Variants in UBE2G2 observed in about 807,000 individuals in gnomAD.
UBE2G2 encodes ubiquitin conjugating enzyme E2 G2, also known as ubiquitin-conjugating enzyme E2 G2.
In UBE2G2, 10 loss-of-function variants were observed where a neutral mutation model predicts 23.0. That is an observed-to-expected ratio of 0.43 (90% CI 0.27 to 0.74). UBE2G2 has a LOEUF of 0.74. Among genes scored for constraint, UBE2G2 ranks in the 30% least tolerant of loss-of-function variants. The probability of loss-of-function intolerance (pLI) is 0.19; values close to 1 mark genes in which losing one functional copy is unlikely to be tolerated. For synonymous variants in UBE2G2, 86 were observed against 81.3 expected (o/e 1.06, Z -0.31); for missense variants, 150 against 218.3 (o/e 0.69, Z 1.97).
At chr21:44,777,849 C>T (rs1023864209) in intron 3 of UBE2G2, among the ~76,000 whole-genome samples, 1 of 152,112 alleles carries the variant, frequency 6.6e-6, no homozygotes, top group Admixed American at 6.5e-5. Flanking sequence ...AAAATGCACA[C>T]AAAAAGATTA....
chr21:44,797,081 A>G (rs1274939618), intron 1 of UBE2G2, among the ~76,000 whole-genome samples: 3 of 152,212 alleles, frequency 2.0e-5, no homozygotes, highest in Non-Finnish European at 4.4e-5. Context: ...GAAGTACTAG[A>G]AAGTGCTTGA....
chr21:44,792,455 G>A (rs1379534269), intron 1 of UBE2G2, among the ~76,000 whole-genome samples: 1 of 152,126 alleles, frequency 6.6e-6, no homozygotes, highest in Non-Finnish European at 1.5e-5. Context: ...CGAGTTCTCA[G>A]GAGACATGAT....
chr21:44,780,344 C>A (rs559786091), intron 3 of UBE2G2, among the ~76,000 whole-genome samples: 5 of 152,214 alleles, frequency 3.3e-5, no homozygotes, highest in Admixed American at 6.5e-5. Flanking sequence ...GAGTGGGAGA[C>A]GCCACAGTGC....
intron 1 of UBE2G2, among the ~76,000 whole-genome samples, chr21:44,796,529 A>G (rs1368462432): frequency 6.6e-6 from 1 of 152,232 alleles, no homozygotes; most frequent in Non-Finnish European, 1.5e-5. Flanking sequence ...AAAAAAAACC[A>G]GTAAATGATA....
At chr21:44,789,776 TATGTTGAATCCTA>T (rs1393502171) in intron 1 of UBE2G2, among the ~76,000 whole-genome samples, 2 of 152,146 alleles carry the variant, frequency 1.3e-5, no homozygotes, top group African/African-American at 4.8e-5. Flanking sequence ...CCAAAATTCC[TATGTTGAATCCTA>T]ATGTATGTGG....
Position 44,771,389 on chromosome 21 carries a change from A to G in UBE2G2, c.486T>C (p.Ser162=). 6.2e-7 allele frequency: 1 copy of G among 1,612,890 alleles called. No homozygotes were observed. The highest frequency in any genetic ancestry group is 8.5e-7 in the Non-Finnish European group (1 of 1,180,026). Reference sequence around the variant, plus strand: ...GCGAGGCCAGGTCTCACAGTCCCAGAGACTTCTGGACGATCTGCTTGGCAA... The same window carrying G: ...GCGAGGCCAGGTCTCACAGTCCCAGGGACTTCTGGACGATCTGCTTGGCAA... ...YKIAKQIVQK[S]LGL The change falls in exon 6 of 6, where the codon TCT becomes TCC. Residue 162 remains serine (S), a synonymous_variant. Transcript: ENST00000345496. This position sits in a 1 kb window ranked among gnomAD's most constrained non-coding sequence, Gnocchi z 4.6.
chr21:44,774,765 AG>A (rs1164861201), intron 4 of UBE2G2: 6 of 455,702 alleles, frequency 1.3e-5, no homozygotes, highest in African/African-American at 6.0e-5. Context: ...CCACAAAATC[AG>A]GAAGTTTCCC....
At chr21:44,781,115 G>C (rs567267174) in intron 3 of UBE2G2, among the ~76,000 whole-genome samples, 1 of 152,334 alleles carries the variant, frequency 6.6e-6, no homozygotes, top group East Asian at 1.9e-4. Flanking sequence ...ATGTGATAAA[G>C]AATTAAAATC....
intron 3 of UBE2G2, chr21:44,779,176 C>T (rs1174586549): frequency 6.9e-6 from 3 of 431,954 alleles, no homozygotes; most frequent in Non-Finnish European, 9.2e-6. Flanking sequence ...TCGGCAGCAA[C>T]AGCAGATGCC....
chr21:44,801,440 G>T (rs782493778), intron 1 of UBE2G2: 152 of 1,211,718 alleles, frequency 1.3e-4, no homozygotes, highest in Non-Finnish European at 1.5e-4. Flanking sequence ...AAACAAGCCC[G>T]CAAAGACTCA....
intron 3 of UBE2G2, among the ~76,000 whole-genome samples, chr21:44,779,763 G>T (rs950579024): frequency 1.3e-5 from 2 of 152,202 alleles, no homozygotes; most frequent in Admixed American, 6.5e-5. Flanking sequence ...GGGCACCAAG[G>T]ATTGTGGTTT....
At position 44,774,910 on chromosome 21, in the gene UBE2G2, G is replaced by A. The variant is rs117890978; in HGVS notation, c.245-1223C>T. 2.1e-3 allele frequency: 718 copies of A among 345,162 alleles called. 15 individuals are homozygous for A. In the East Asian group the frequency reaches 0.041, roughly 20 times the overall value. The allele number at this position is 345,162 out of a possible 1,614,324, so 21.4% of individuals were successfully genotyped here. A position where few individuals can be genotyped will look rare whatever the true frequency, so the allele number is the denominator to read the frequency against. On this transcript the variant is annotated intron_variant, in intron 4 of 5. Coordinates refer to ENST00000345496, the MANE Select transcript of UBE2G2 (RefSeq NM_003343.6). ...AGCAGTGCCATGTCCTAAACCTCTC[G>A]TGGATCCACACACATCTCTTTATCT...
intron 1 of UBE2G2, among the ~76,000 whole-genome samples, chr21:44,789,733 G>A (rs868965456): frequency 1.3e-5 from 2 of 152,136 alleles, no homozygotes; most frequent in South Asian, 2.1e-4. Context: ...GAGTCAACAC[G>A]AATGATGCTG....
chr21:44,788,099 T>C lies in UBE2G2; in HGVS notation c.44-4A>G. 1.3e-6 allele frequency: 2 copies of C among 1,599,146 alleles called. No homozygotes were observed. Among genetic ancestry groups the C allele is most frequent in the African/African-American group, 1.4e-5 (1 of 73,962 alleles). ...TCCGGAGGATTCAGTGTTAATTCTA[T>C]AAAATTAATAAGTAAAACCATTACC... On this transcript the variant is annotated splice_polypyrimidine_tract_variant and splice_region_variant and intron_variant, in intron 1 of 5. Coordinates refer to ENST00000345496, the MANE Select transcript of UBE2G2 (RefSeq NM_003343.6).
chr21:44,779,323 T>C, intron 3 of UBE2G2: 1 of 280,220 alleles, frequency 3.6e-6, no homozygotes, highest in South Asian at 2.6e-5. Flanking sequence ...TTGCTACCTT[T>C]TCAGAAGAAG....
chr21:44,790,673 A>C (rs2083036274), intron 1 of UBE2G2, among the ~76,000 whole-genome samples: 2 of 152,228 alleles, frequency 1.3e-5, no homozygotes, highest in Non-Finnish European at 2.9e-5. Flanking sequence ...GGCTTCTGTC[A>C]TGATAAGTTT....
Position 44,771,905 on chromosome 21 carries a change from C to T in UBE2G2, c.386-416G>A, listed in dbSNP as rs781907674. 6.6e-6 allele frequency among the ~76,000 whole-genome samples: 1 copy of T among 152,200 alleles called. No homozygotes were observed. Among genetic ancestry groups the T allele is most frequent in the East Asian group, 1.9e-4 (1 of 5,180 alleles). On this transcript the variant is annotated intron_variant, in intron 5 of 5. Transcript: ENST00000345496. The surrounding 1 kb of genome is among the most constrained non-coding windows in gnomAD (Gnocchi z 4.6). ...GCAGTGTGGCTTCTCTCTCACAGAG[C>T]GCCCTCTCAGCAAAACTGCCCCTCA...
Position 44,771,531 on chromosome 21 carries a change from A to T in UBE2G2, c.386-42T>A, listed in dbSNP as rs1555959951. 11 of 1,584,432 alleles carry T rather than the reference A, an allele frequency of 6.9e-6. No individual in the cohort carries two copies. Among genetic ancestry groups the T allele is most frequent in the Non-Finnish European group, 9.5e-6 (11 of 1,161,684 alleles). On this transcript the variant is annotated intron_variant, in intron 5 of 5. Transcript: ENST00000345496. This position sits in a 1 kb window ranked among gnomAD's most constrained non-coding sequence, Gnocchi z 4.6. ...CACCCTCCATGTAAAAGGGAGTCTT[A>T]TACGTAAGCAGCCTGGCAAGGTCTC...
rs527470998 is a variant in UBE2G2, at chr21:44,771,212, A to G, written c.*165T>C. 15 of 616,248 alleles carry G rather than the reference A, an allele frequency of 2.4e-5. No individual in the cohort carries two copies. In the Admixed American group the frequency reaches 4.2e-4, roughly 17 times the overall value. The allele number at this position is 616,248 out of a possible 1,614,324, so 38.2% of individuals were successfully genotyped here. ...CGACATTAAGTCATCATTTCAGAAG[A>G]GAAGCCTGTTTGAAGTAGGAAAGGT... is the stretch of plus-strand genomic sequence containing the variant. On this transcript the variant is annotated 3_prime_UTR_variant, in exon 6 of 6. Transcript: ENST00000345496. This position sits in a 1 kb window ranked among gnomAD's most constrained non-coding sequence, Gnocchi z 4.6.
Sources: allele counts gnomAD v4.1 joint callset (sites outside exome capture counted in the v4.1 genomes callset), GRCh38; gene constraint gnomAD v4.1.1; non-coding constraint Gnocchi (gnomAD v3.1); transcripts MANE v1.5; gene names NCBI Gene and HGNC (gene_info 2026-07-23, HGNC 2026-07-21).